Variants in SH3PXD2A observed in about 807,000 individuals in gnomAD.
SH3PXD2A encodes the protein SH3 and PX domain-containing protein 2A.
A neutral mutation model predicts 115.2 loss-of-function variants in SH3PXD2A; 32 were observed. The ratio of observed to expected loss-of-function variants is 0.28; its 90% CI spans 0.21 to 0.37. The LOEUF (loss-of-function observed/expected upper bound fraction) is 0.37. Among genes scored for constraint, SH3PXD2A ranks in the 10% least tolerant of loss-of-function variants. The probability of loss-of-function intolerance (pLI) is 1.00; values close to 1 mark genes in which losing one functional copy is unlikely to be tolerated. For synonymous variants in SH3PXD2A, 610 were observed against 629.1 expected (o/e 0.97, Z 0.45); for missense variants, 1,328 against 1,498.7 (o/e 0.89, Z 1.88).
Position 103,627,282 on chromosome 10 carries a change from G to A in SH3PXD2A, c.605-80C>T, listed in dbSNP as rs541405355. On this transcript the variant is annotated intron_variant, in intron 8 of 14. Coordinates refer to ENST00000369774, the MANE Select transcript of SH3PXD2A (RefSeq NM_001394015.1). The surrounding 1 kb of genome is among the most constrained non-coding windows in gnomAD (Gnocchi z 4.4). ...TGGCTCGGGGGCCAGGACAAGGATGGAAGGAGAGGCACAAGAAGCGGAGCA... is the reference window on the plus strand; with the variant it reads ...TGGCTCGGGGGCCAGGACAAGGATGAAAGGAGAGGCACAAGAAGCGGAGCA... 1.3e-4 allele frequency: 101 copies of A among 807,204 alleles called. No individual in the cohort carries two copies. Among genetic ancestry groups the A allele is most frequent in the Non-Finnish European group, 1.9e-4 (89 of 470,288 alleles). 50.0% of individuals were successfully genotyped at this position (807,204 alleles called of 1,614,324 possible).
chr10:103,711,674 G>C (rs11592656), intron 5 of SH3PXD2A, among the ~76,000 whole-genome samples: 21,131 of 152,168 alleles, frequency 0.14, 1,649 homozygotes, highest in African/African-American at 0.15. Context: ...TCAGTCCCTG[G>C]GAACAGGCAT....
chr10:103,688,454 G>A (rs1007375345), intron 6 of SH3PXD2A, among the ~76,000 whole-genome samples: 1 of 152,186 alleles, frequency 6.6e-6, no homozygotes, highest in Non-Finnish European at 1.5e-5. Flanking sequence ...TGTGGGAAGC[G>A]ATGAGGAGGG....
At chr10:103,623,626 T>C (rs929277214) in intron 9 of SH3PXD2A, among the ~76,000 whole-genome samples, 4 of 152,054 alleles carry the variant, frequency 2.6e-5, no homozygotes, top group Non-Finnish European at 4.4e-5. Context: ...CTGCTTCTTA[T>C]AAGGACAAAA....
chr10:103,660,490 G>C (rs1050033894), intron 8 of SH3PXD2A, among the ~76,000 whole-genome samples: 8 of 152,142 alleles, frequency 5.3e-5, no homozygotes, highest in African/African-American at 1.7e-4. Context: ...TCCCCAACCA[G>C]ACCCCAACCA....
At chr10:103,809,846 G>A (rs1314263715) in intron 1 of SH3PXD2A, among the ~76,000 whole-genome samples, 2 of 107,030 alleles carry the variant, frequency 1.9e-5, no homozygotes, top group African/African-American at 5.7e-5. Context: ...CACCACACTA[G>A]GCTTTTTTTT....
At position 103,852,412 on chromosome 10, in the gene SH3PXD2A, G is replaced by A. The variant is rs147927365; in HGVS notation, c.72+2783C>T. 3.4e-3 allele frequency among the ~76,000 whole-genome samples: 511 copies of A among 152,316 alleles called. 8 individuals are homozygous for A. Among genetic ancestry groups the A allele is most frequent in the Middle Eastern group, 3.4e-3 (1 of 294 alleles). ...CTGGAGCCAGCAGAGCTCCTCCTGC[G>A]TGGGCCCCAGGCCTCTCATCGGCTA... On this transcript the variant is annotated intron_variant, in intron 1 of 14. Coordinates refer to ENST00000369774, the MANE Select transcript of SH3PXD2A (RefSeq NM_001394015.1).
chr10:103,780,866 G>A (rs567170855), intron 2 of SH3PXD2A, among the ~76,000 whole-genome samples: 38 of 152,220 alleles, frequency 2.5e-4, no homozygotes, highest in Non-Finnish European at 3.7e-4. Context: ...TTTCATCTTC[G>A]GCTTCACACC....
chr10:103,653,152 C>G (rs1493171), intron 8 of SH3PXD2A, among the ~76,000 whole-genome samples: 1 of 152,116 alleles, frequency 6.6e-6, no homozygotes, highest in East Asian at 1.9e-4. Flanking sequence ...GTTTACTTGT[C>G]ACATGTCTCT....
At chr10:103,738,240 C>A (rs1210473389) in intron 3 of SH3PXD2A, among the ~76,000 whole-genome samples, 1 of 152,238 alleles carries the variant, frequency 6.6e-6, no homozygotes, top group African/African-American at 2.4e-5. Context: ...CAGACACTGG[C>A]GACGCCGCTG....
intron 4 of SH3PXD2A, 92 bp downstream of exon 4, chr10:103,735,640 C>G (rs1042019003): frequency 4.9e-6 from 5 of 1,030,858 alleles, no homozygotes; most frequent in African/African-American, 4.7e-5. Flanking sequence ...GTACAGCAAC[C>G]TTTCCTCACA....
intron 8 of SH3PXD2A, among the ~76,000 whole-genome samples, chr10:103,655,406 T>C (rs2037196117): frequency 6.6e-6 from 1 of 152,314 alleles, no homozygotes; most frequent in African/African-American, 2.4e-5. Flanking sequence ...GTCTGAATTA[T>C]AATAGTAATC....
chr10:103,644,998 G>A (rs1433537120), intron 8 of SH3PXD2A, among the ~76,000 whole-genome samples: 1 of 152,148 alleles, frequency 6.6e-6, no homozygotes, highest in Non-Finnish European at 1.5e-5. Flanking sequence ...ATGTGTTGAT[G>A]TCTTTGATTC....
intron 1 of SH3PXD2A, among the ~76,000 whole-genome samples, chr10:103,803,245 T>C (rs1435278439): frequency 3.3e-5 from 5 of 152,190 alleles, no homozygotes; most frequent in African/African-American, 4.8e-5. Flanking sequence ...ATTTATGACA[T>C]GTGGCCCTGA....
intron 3 of SH3PXD2A, among the ~76,000 whole-genome samples, chr10:103,745,074 C>T (rs2038486277): frequency 6.6e-6 from 1 of 152,216 alleles, no homozygotes; most frequent in African/African-American, 2.4e-5. Flanking sequence ...CCTGGGACTA[C>T]TGCTGGAACT....
chr10:103,796,122 G>A (rs2039085845), intron 2 of SH3PXD2A, among the ~76,000 whole-genome samples: 1 of 152,038 alleles, frequency 6.6e-6, no homozygotes, highest in Non-Finnish European at 1.5e-5. Flanking sequence ...CACTTTGGAA[G>A]ACCGAGGCGG....
intron 4 of SH3PXD2A, among the ~76,000 whole-genome samples, chr10:103,733,474 G>A (rs2038346913): frequency 1.3e-5 from 2 of 151,982 alleles, no homozygotes; most frequent in East Asian, 1.9e-4. Flanking sequence ...CTTGAGAAAG[G>A]AAAAAAGAGA....
intron 2 of SH3PXD2A, among the ~76,000 whole-genome samples, chr10:103,773,462 C>T (rs575752666): frequency 1.1e-4 from 16 of 146,300 alleles, no homozygotes; most frequent in Non-Finnish European, 2.1e-4. Flanking sequence ...TTTTTTGAGA[C>T]GGAGTCTCGC....
intron 1 of SH3PXD2A, among the ~76,000 whole-genome samples, chr10:103,836,860 ACT>A (rs2039547510): frequency 6.6e-6 from 1 of 152,186 alleles, no homozygotes; most frequent in Non-Finnish European, 1.5e-5. Flanking sequence ...AGGGAATTTT[ACT>A]ACAAACAAGC....
intron 5 of SH3PXD2A, among the ~76,000 whole-genome samples, chr10:103,704,926 T>G (rs1473500892): frequency 6.6e-6 from 1 of 152,184 alleles, no homozygotes; most frequent in Non-Finnish European, 1.5e-5. Context: ...TTAGTTTCCC[T>G]GATTGGGCTT....
Sources: allele counts gnomAD v4.1 joint callset (sites outside exome capture counted in the v4.1 genomes callset), GRCh38; gene constraint gnomAD v4.1.1; non-coding constraint Gnocchi (gnomAD v3.1); transcripts MANE v1.5; gene names NCBI Gene and HGNC (gene_info 2026-07-23, HGNC 2026-07-21).